Variants in RANBP2 observed in about 807,000 individuals in gnomAD.
RANBP2 encodes the protein E3 SUMO-protein ligase RanBP2.
RANBP2 carries 57 observed loss-of-function variants against 303.6 expected under a neutral mutation model. That is an observed-to-expected ratio of 0.19 (90% CI 0.15 to 0.23). The LOEUF (loss-of-function observed/expected upper bound fraction) is 0.23. Ranked by LOEUF, RANBP2 falls within the 10% of genes least tolerant of loss-of-function variation. The pLI, the probability that RANBP2 is intolerant of heterozygous loss-of-function variation, is 1.00. For synonymous variants in RANBP2, 1,167 were observed against 1,301.5 expected, an observed-to-expected ratio of 0.90 and a Z score of 2.23; for missense variants, 3,138 against 3,780.8, an observed-to-expected ratio of 0.83 and a Z score of 4.46.
chr2:108,722,505 C>G (rs1694342750), intron 1 of RANBP2, among the ~76,000 whole-genome samples: 1 of 151,544 alleles, frequency 6.6e-6, no homozygotes, highest in Non-Finnish European at 1.5e-5. Flanking sequence ...TGTGAACTGC[C>G]CATGCTTTCT....
At position 108,785,521 on chromosome 2, in the gene RANBP2, C is replaced by T. The variant is rs116221541; in HGVS notation, c.*1620C>T. On this transcript the variant is annotated 3_prime_UTR_variant, in exon 29 of 29. Transcript: ENST00000283195. ...TACAGATTTGTATGCTTTCCTAAAG[C>T]ACTAAAGTTACAAATTAAAAAGCTT... 57 of 152,312 alleles carry T rather than the reference C, an allele frequency of 3.7e-4. No homozygotes were observed. The highest frequency in any genetic ancestry group is 7.4e-4 in the Non-Finnish European group (50 of 68,024). The allele number at this position is 152,312 out of a possible 1,614,324, so 9.4% of individuals were successfully genotyped here.
the RANBP2 span, among the ~76,000 whole-genome samples, chr2:109,232,663 T>G: frequency 1.3e-5 from 2 of 152,130 alleles, no homozygotes; most frequent in East Asian, 1.9e-4. Context: ...TAACAATGTT[T>G]TAGAGAAATG....
chr2:109,692,226 T>G, the RANBP2 span, among the ~76,000 whole-genome samples: 1 of 151,164 alleles, frequency 6.6e-6, no homozygotes, highest in African/African-American at 2.4e-5. Context: ...TGATTCTATT[T>G]AGGGGAACTG....
At chr2:109,214,593 A>G in the RANBP2 span, among the ~76,000 whole-genome samples, 1 of 152,332 alleles carries the variant, frequency 6.6e-6, no homozygotes, top group East Asian at 1.9e-4. Context: ...AAGACAGCCA[A>G]ACAGGAATCC....
the RANBP2 span, among the ~76,000 whole-genome samples, chr2:109,071,052 A>G: frequency 1.2e-4 from 18 of 152,126 alleles, no homozygotes; most frequent in Admixed American, 4.6e-4. Context: ...ATTTATTTAT[A>G]GCTACTACAA....
the RANBP2 span, among the ~76,000 whole-genome samples, chr2:108,870,859 CAGA>C: frequency 6.6e-6 from 1 of 152,082 alleles, no homozygotes; most frequent in Non-Finnish European, 1.5e-5. Flanking sequence ...TGTGCAGTTT[CAGA>C]AGAAGATGGA....
chr2:109,605,875 G>A, the RANBP2 span, among the ~76,000 whole-genome samples: 1 of 152,166 alleles, frequency 6.6e-6, no homozygotes, highest in African/African-American at 2.4e-5. Context: ...TCACAAAGAA[G>A]AAGAGTTAGC....
At chr2:109,289,873 C>A in the RANBP2 span, among the ~76,000 whole-genome samples, 1,395 of 152,236 alleles carry the variant, frequency 9.2e-3, 23 homozygotes, top group African/African-American at 0.032. Flanking sequence ...TATCGCATTG[C>A]GGGTTTGAAC....
chr2:108,859,346 G>A, the RANBP2 span, among the ~76,000 whole-genome samples: 7 of 152,192 alleles, frequency 4.6e-5, no homozygotes, highest in South Asian at 1.0e-3. Flanking sequence ...CATTCTATAG[G>A]TTGTCTGTTT....
the RANBP2 span, among the ~76,000 whole-genome samples, chr2:109,426,200 C>T: frequency 2.4e-3 from 366 of 152,336 alleles, no homozygotes; most frequent in South Asian, 4.1e-3. Context: ...TGAGCCACTG[C>T]GCCCGGCCAA....
the RANBP2 span, among the ~76,000 whole-genome samples, chr2:109,309,565 TAA>T: frequency 7.8e-6 from 1 of 128,598 alleles, no homozygotes; most frequent in East Asian, 2.1e-4. Flanking sequence ...GCAAATTGGA[TAA>T]AGAGTCAAGA....
chr2:109,336,429 G>GCTGCCACCAATAAGTTT, the RANBP2 span, among the ~76,000 whole-genome samples: 1 of 152,214 alleles, frequency 6.6e-6, no homozygotes, highest in Non-Finnish European at 1.5e-5. Context: ...TGGAAGGGAA[G>GCTGCCACCAATAAGTTT]CTGCCACCAA....
intron 21 of RANBP2, 74 bp from the exon 22 acceptor site, chr2:108,772,415 G>A (rs1183777685): frequency 1.2e-5 from 14 of 1,141,162 alleles, no homozygotes; most frequent in Non-Finnish European, 1.7e-5. Context: ...AAATGGTGAA[G>A]TTGGAGGTAG....
chr2:109,200,179 C>G, the RANBP2 span, among the ~76,000 whole-genome samples: 1 of 152,114 alleles, frequency 6.6e-6, no homozygotes, highest in Non-Finnish European at 1.5e-5. Flanking sequence ...TTCTAGTTTA[C>G]AAGAGAACAG....
At chr2:109,416,268 C>T in the RANBP2 span, among the ~76,000 whole-genome samples, 3 of 152,040 alleles carry the variant, frequency 2.0e-5, no homozygotes, top group Non-Finnish European at 4.4e-5. Flanking sequence ...GGCCTGTGCA[C>T]GCTGAACTTC....
the RANBP2 span, among the ~76,000 whole-genome samples, chr2:109,238,650 GT>G: frequency 6.6e-6 from 1 of 152,166 alleles, no homozygotes; most frequent in Non-Finnish European, 1.5e-5. Context: ...AACCCAGAGT[GT>G]GATGAATGGA....
At chr2:109,585,012 G>C in the RANBP2 span, 2 of 480,650 alleles carry the variant, frequency 4.2e-6, no homozygotes, top group Non-Finnish European at 7.2e-6. Context: ...AACAATGTGT[G>C]GAAGGAAAGG....
chr2:109,692,999 T>C, the RANBP2 span, among the ~76,000 whole-genome samples: 1 of 151,890 alleles, frequency 6.6e-6, no homozygotes, highest in South Asian at 2.1e-4. Context: ...CATTATACCG[T>C]CTGCCCTTTT....
At chr2:109,118,860 A>G in the RANBP2 span, among the ~76,000 whole-genome samples, 1 of 152,128 alleles carries the variant, frequency 6.6e-6, no homozygotes, top group East Asian at 1.9e-4. Flanking sequence ...CCCATAATAA[A>G]CCAGACTGTC....
Sources: allele counts gnomAD v4.1 joint callset (sites outside exome capture counted in the v4.1 genomes callset), GRCh38; gene constraint gnomAD v4.1.1; transcripts MANE v1.5; gene names NCBI Gene and HGNC (gene_info 2026-07-23, HGNC 2026-07-21).